The following DGKB variants were observed in gnomAD, a reference collection of about 807,000 sequenced individuals.
DGKB encodes 90 kDa diacylglycerol kinase.
DGKB carries 67 observed loss-of-function variants against 114.3 expected under a neutral mutation model. The observed-to-expected ratio is 0.59, with a 90% confidence interval of 0.48 to 0.72. The LOEUF is 0.72. DGKB is among the 30% of genes least tolerant of loss of function. The probability of loss-of-function intolerance (pLI) is 0.00; values close to 1 mark genes in which losing one functional copy is unlikely to be tolerated. For synonymous variants in DGKB, 398 were observed against 323.1 expected, an observed-to-expected ratio of 1.23 and a Z score of -2.49; for missense variants, 907 against 975.2, an observed-to-expected ratio of 0.93 and a Z score of 0.93.
At chr7:14,562,114 A>G (rs968972597) in intron 20 of DGKB, among the ~76,000 whole-genome samples, 3 of 152,228 alleles carry the variant, frequency 2.0e-5, no homozygotes, top group Admixed American at 6.5e-5. Context: ...ATGTGGTTCC[A>G]GAGGGTGCAA....
intron 2 of DGKB, among the ~76,000 whole-genome samples, chr7:14,760,043 C>A (rs1291008878): frequency 2.0e-5 from 3 of 152,060 alleles, no homozygotes; most frequent in Non-Finnish European, 4.4e-5. Flanking sequence ...GCCTATTGGT[C>A]GTTTGTATAT....
chr7:14,459,541 CA>C (rs1832773223), intron 21 of DGKB, among the ~76,000 whole-genome samples: 1 of 151,756 alleles, frequency 6.6e-6, no homozygotes, highest in African/African-American at 2.4e-5. Flanking sequence ...AGCATGAAGA[CA>C]AGATTAGAGA....
At chr7:14,193,691 C>T (rs1784624053) in intron 23 of DGKB, among the ~76,000 whole-genome samples, 1 of 152,020 alleles carries the variant, frequency 6.6e-6, no homozygotes, top group Non-Finnish European at 1.5e-5. Flanking sequence ...CAAAAAGAGA[C>T]AAATGGAGTT....
intron 21 of DGKB, among the ~76,000 whole-genome samples, chr7:14,416,455 T>A (rs1252371433): frequency 2.6e-5 from 4 of 152,086 alleles, no homozygotes; most frequent in Non-Finnish European, 5.9e-5. Flanking sequence ...AAATCTTACC[T>A]TTGGCCTCAA....
At chr7:14,164,202 G>T (rs942920892) in intron 25 of DGKB, among the ~76,000 whole-genome samples, 4 of 152,076 alleles carry the variant, frequency 2.6e-5, no homozygotes, top group African/African-American at 9.7e-5. Context: ...ATATGGGTTA[G>T]TCTTTTTCTT....
At chr7:14,832,155 C>A (rs6461139) in intron 2 of DGKB, among the ~76,000 whole-genome samples, 136,977 of 152,096 alleles carry the variant, frequency 0.9, 61,994 homozygotes, top group East Asian at 1. Flanking sequence ...TTAATTACAC[C>A]GTTGAGAAAA....
At chr7:14,836,789 G>A (rs1847227468) in intron 2 of DGKB, among the ~76,000 whole-genome samples, 1 of 152,248 alleles carries the variant, frequency 6.6e-6, no homozygotes, top group South Asian at 2.1e-4. Context: ...CTCCGTATCA[G>A]CTGCCTTCGG....
intron 15 of DGKB, 112 bp downstream of exon 15, chr7:14,621,266 C>T (rs1398181752): frequency 2.5e-5 from 16 of 651,202 alleles, no homozygotes; most frequent in Non-Finnish European, 4.0e-5. Flanking sequence ...AAAGAGTCTA[C>T]TAAGCTAATA....
intron 21 of DGKB, among the ~76,000 whole-genome samples, chr7:14,451,169 A>G (rs1831425057): frequency 1.3e-5 from 2 of 152,004 alleles, no homozygotes; most frequent in African/African-American, 4.8e-5. Flanking sequence ...TTGGTTAAAC[A>G]TTACTCTGTG....
intron 1 of DGKB, among the ~76,000 whole-genome samples, chr7:14,910,258 GA>G (rs780624839): frequency 2.1e-5 from 2 of 93,218 alleles, no homozygotes; most frequent in South Asian, 3.0e-4. Flanking sequence ...AAGAAAGAAA[GA>G]AAGAAAGAAA....
chr7:14,188,457 G>A (rs1273182084), intron 23 of DGKB, among the ~76,000 whole-genome samples: 1 of 121,096 alleles, frequency 8.3e-6, no homozygotes, highest in Non-Finnish European at 1.8e-5. Flanking sequence ...TCAGGAGATC[G>A]AGACCATCCC....
chr7:14,765,751 G>A (rs779610182), intron 2 of DGKB, among the ~76,000 whole-genome samples: 43 of 151,874 alleles, frequency 2.8e-4, no homozygotes, highest in African/African-American at 8.9e-4. Flanking sequence ...ACTTGCCTTC[G>A]AGCCACTCAT....
intron 1 of DGKB, among the ~76,000 whole-genome samples, chr7:14,931,198 G>C (rs149369328): frequency 6.7e-6 from 1 of 149,370 alleles, no homozygotes; most frequent in Admixed American, 6.8e-5. Flanking sequence ...TGCAACCTCC[G>C]CCTCCTGAGT....
At chr7:14,600,766 C>T (rs1405023635) in intron 17 of DGKB, among the ~76,000 whole-genome samples, 5 of 152,214 alleles carry the variant, frequency 3.3e-5, no homozygotes, top group Admixed American at 6.5e-5. Flanking sequence ...CCCTCTTTGA[C>T]GATGTGTCCT....
intron 5 of DGKB, among the ~76,000 whole-genome samples, chr7:14,724,873 A>G (rs776720604): frequency 6.6e-6 from 1 of 152,208 alleles, no homozygotes; most frequent in Non-Finnish European, 1.5e-5. Flanking sequence ...GTGTTATCCA[A>G]TAAAATTTTC....
At chr7:14,316,382 G>A (rs1468951139) in intron 23 of DGKB, among the ~76,000 whole-genome samples, 9 of 130,216 alleles carry the variant, frequency 6.9e-5, no homozygotes, top group Admixed American at 1.6e-4. Context: ...TTGATAGACC[G>A]CTAGCAAGAC....
chr7:14,300,000 G>T (rs6949535), intron 23 of DGKB, among the ~76,000 whole-genome samples: 133,243 of 152,058 alleles, frequency 0.88, 58,709 homozygotes, highest in African/African-American at 0.97. Flanking sequence ...ACACGGGATA[G>T]ATGGCCACTA....
chr7:14,458,484 T>C (rs921035027), intron 21 of DGKB, among the ~76,000 whole-genome samples: 6 of 152,226 alleles, frequency 3.9e-5, no homozygotes, highest in Non-Finnish European at 8.8e-5. Context: ...TTTCTGCATT[T>C]CCAACTGAGG....
intron 21 of DGKB, among the ~76,000 whole-genome samples, chr7:14,461,570 T>C (rs1048060641): frequency 1.3e-5 from 2 of 152,042 alleles, no homozygotes; most frequent in Non-Finnish European, 2.9e-5. Context: ...GTCGAATCCC[T>C]GAATAGACCA....
Sources: gnomAD v4.1 joint callset for allele counts (sites outside exome capture counted in the v4.1 genomes callset) on GRCh38, gnomAD v4.1.1 for gene constraint, MANE v1.5 for transcripts, NCBI Gene and HGNC (gene_info 2026-07-23, HGNC 2026-07-21) for gene names.